MAD1L1: variants seen among roughly 807,000 people sequenced by gnomAD.
MAD1L1 encodes the protein mitotic arrest deficient 1 like 1.
Under a neutral mutation model 96.9 loss-of-function variants are expected in MAD1L1, and 95 were observed. The ratio of observed to expected loss-of-function variants is 0.98; its 90% CI spans 0.83 to 1.16. MAD1L1 has a LOEUF of 1.16. MAD1L1 is among the 50% of genes most tolerant of loss of function. The pLI is 0.00. For missense variants in MAD1L1, 1,007 were observed against 954.4 expected, an observed-to-expected ratio of 1.06 and a Z score of -0.73; for synonymous variants, 473 against 396.6, an observed-to-expected ratio of 1.19 and a Z score of -2.29.
intron 17 of MAD1L1, among the ~76,000 whole-genome samples, chr7:1,910,652 T>C (rs912179727): frequency 1.1e-4 from 16 of 152,220 alleles, no homozygotes; most frequent in Admixed American, 3.3e-4. Context: ...CACGAGCATC[T>C]GAGATCGCGT....
At chr7:2,183,479 A>G (rs1562349502) in intron 10 of MAD1L1, among the ~76,000 whole-genome samples, 1 of 152,218 alleles carries the variant, frequency 6.6e-6, no homozygotes, top group Admixed American at 6.5e-5. Context: ...ACTATTCACA[A>G]TAGCAAAGAC....
intron 12 of MAD1L1, among the ~76,000 whole-genome samples, chr7:2,027,153 T>C (rs1783029199): frequency 6.6e-6 from 1 of 151,836 alleles, no homozygotes; most frequent in Non-Finnish European, 1.5e-5. Flanking sequence ...TTACCACAAC[T>C]GAATAAAGAA....
chr7:2,047,803 G>A (rs904770528), intron 12 of MAD1L1, among the ~76,000 whole-genome samples: 12 of 151,866 alleles, frequency 7.9e-5, no homozygotes, highest in African/African-American at 2.4e-4. Context: ...ACTCACACAC[G>A]TGCACTCACA....
intron 17 of MAD1L1, among the ~76,000 whole-genome samples, chr7:1,911,263 G>C (rs189111034): frequency 5.3e-5 from 8 of 152,064 alleles, no homozygotes; most frequent in South Asian, 2.1e-4. Flanking sequence ...ACCTCTGCTC[G>C]GGGTCTTTCT....
chr7:1,845,613 G>C (rs60641195), intron 18 of MAD1L1: 8 of 99,308 alleles, frequency 8.1e-5, no homozygotes, highest in East Asian at 2.9e-4. Context: ...ACATGCGTCC[G>C]GCTCTGGTTC....
chr7:1,874,887 C>G (rs534994349), intron 18 of MAD1L1, among the ~76,000 whole-genome samples: 1 of 152,206 alleles, frequency 6.6e-6, no homozygotes, highest in South Asian at 2.1e-4. Flanking sequence ...GCATGGAGAC[C>G]GGCCACACCC....
Position 2,086,326 on chromosome 7 carries a change from G to A in MAD1L1, c.1074-16988C>T, listed in dbSNP as rs1043949688. Among the ~76,000 whole-genome samples the A allele has an allele frequency of 3.9e-5, 6 of 152,202 alleles. No individual in the cohort carries two copies. The South Asian group carries it at 6.2e-4, about 16-fold the overall frequency. ...ATCACTGAAGCACAGGCACGCCCTC[G>A]CTCACACCACAGCCACAAAACCTGC... On this transcript the variant is annotated intron_variant, in intron 11 of 18. Transcript: ENST00000265854.
At chr7:2,172,948 G>A (rs1790779311) in intron 10 of MAD1L1, among the ~76,000 whole-genome samples, 1 of 152,254 alleles carries the variant, frequency 6.6e-6, no homozygotes, top group Admixed American at 6.5e-5. Flanking sequence ...CTGCACACAT[G>A]CCTCTGGCTG....
In MAD1L1 at chr7:2,121,298, C is replaced by A. The variant is rs564108444; in HGVS notation, c.1073+27854G>T. Among the ~76,000 whole-genome samples the A allele has an allele frequency of 4.6e-5, 7 of 152,376 alleles. No individual in the cohort carries two copies. The East Asian group carries it at 1.4e-3, about 29-fold the overall frequency. On this transcript the variant is annotated intron_variant, in intron 11 of 18. Coordinates refer to ENST00000265854, the MANE Select transcript of MAD1L1 (RefSeq NM_001013836.2). The stretch of plus-strand genomic sequence containing the variant: ...TCCTCCGCCTCTCCCAACCTCTGTT[C>A]AGCGTCAGAGCGAGGCTCTGCACCA...
intron 10 of MAD1L1, among the ~76,000 whole-genome samples, chr7:2,171,418 G>A (rs547430131): frequency 3.9e-5 from 6 of 152,306 alleles, no homozygotes; most frequent in East Asian, 3.9e-4. Context: ...CCTCACCCCC[G>A]GAAGTGCTTG....
At chr7:1,986,164 C>T (rs1781129510) in intron 14 of MAD1L1, among the ~76,000 whole-genome samples, 1 of 152,164 alleles carries the variant, frequency 6.6e-6, no homozygotes, top group Non-Finnish European at 1.5e-5. Context: ...AGTTTTGCTG[C>T]GAGTCCAATC....
chr7:2,006,999 C>T (rs1782061697), intron 13 of MAD1L1, among the ~76,000 whole-genome samples: 1 of 152,168 alleles, frequency 6.6e-6, no homozygotes, highest in African/African-American at 2.4e-5. Context: ...GGGTGAGTCC[C>T]CCAGGACGCA....
At chr7:1,957,274 A>T (rs1319445827) in intron 16 of MAD1L1, among the ~76,000 whole-genome samples, 1 of 152,256 alleles carries the variant, frequency 6.6e-6, no homozygotes, top group African/African-American at 2.4e-5. Flanking sequence ...GCCATGCAGC[A>T]ACTCAGGAGG....
chr7:2,014,592 G>T lies in MAD1L1; in HGVS notation c.1269C>A (p.Thr423=). The stretch of plus-strand genomic sequence containing the variant: ...TCAGCTGGGGTGAGTACTCGGCCGG[G>T]GTCAGCTCGCTGTCGTAGGACCCCA... ...AILGSYDSEL[T]PAEYSPQLTR... Residue 423 remains threonine (T), a synonymous_variant, in exon 13 of 19, where the codon ACC becomes ACA. Transcript: ENST00000265854. The T allele has an allele frequency of 6.2e-7, 1 of 1,612,410 alleles. No homozygotes were observed. The highest frequency in any genetic ancestry group is 8.5e-7 in the Non-Finnish European group (1 of 1,179,770).
chr7:2,113,718 C>G (rs541858780), intron 11 of MAD1L1, among the ~76,000 whole-genome samples: 1 of 152,224 alleles, frequency 6.6e-6, no homozygotes, highest in South Asian at 2.1e-4. Flanking sequence ...ACACCCGCAA[C>G]AGAACATGGT....
chr7:1,851,380 G>C (rs148642877), intron 18 of MAD1L1, among the ~76,000 whole-genome samples: 5 of 152,184 alleles, frequency 3.3e-5, no homozygotes, highest in African/African-American at 7.2e-5. Flanking sequence ...TCGAGGTCAC[G>C]GGAAACCCCG....
At chr7:2,003,336 G>A (rs927380637) in intron 13 of MAD1L1, among the ~76,000 whole-genome samples, 4 of 152,152 alleles carry the variant, frequency 2.6e-5, no homozygotes, top group African/African-American at 4.8e-5. Flanking sequence ...GGGGATGGGG[G>A]AAGTATGTTT....
At chr7:1,855,289 C>T (rs1784187403) in intron 18 of MAD1L1, among the ~76,000 whole-genome samples, 1 of 152,040 alleles carries the variant, frequency 6.6e-6, no homozygotes. Flanking sequence ...GGTTGCGGGC[C>T]ACACCCTAGG....
At chr7:2,225,650 C>A in intron 3 of MAD1L1, 100 bp from the exon 4 acceptor site, 1 of 1,298,330 alleles carries the variant, frequency 7.7e-7, no homozygotes, top group Non-Finnish European at 1.1e-6. Context: ...GGACCCATTC[C>A]CGCAGGTCCC....
Sources: allele counts gnomAD v4.1 joint callset (sites outside exome capture counted in the v4.1 genomes callset), GRCh38; gene constraint gnomAD v4.1.1; transcripts MANE v1.5; gene names NCBI Gene and HGNC (gene_info 2026-07-23, HGNC 2026-07-21).